The following FAM227A variants were observed in gnomAD, a reference collection of about 807,000 sequenced individuals.
FAM227A encodes the protein protein FAM227A.
A neutral mutation model predicts 74.7 loss-of-function variants in FAM227A; 80 were observed. The ratio of observed to expected loss-of-function variants is 1.07; its 90% confidence interval spans 0.89 to 1.29. FAM227A has a LOEUF of 1.29. FAM227A is among the 50% of genes most tolerant of loss of function. FAM227A has a pLI of 0.00. For synonymous variants in FAM227A, 237 were observed against 241.8 expected, an observed-to-expected ratio of 0.98 and a Z score of 0.19; for missense variants, 654 against 683.4, an observed-to-expected ratio of 0.96 and a Z score of 0.48.
intron 5 of FAM227A, among the ~76,000 whole-genome samples, chr22:38,638,170 G>GA (rs910302688): frequency 6.6e-6 from 1 of 151,858 alleles, no homozygotes; most frequent in Non-Finnish European, 1.5e-5. Context: ...ATCTCAAAAA[G>GA]AAAAAAAGAA....
rs56133133 is a variant in FAM227A at position 38,600,334 on chromosome 22, AATTTT to A, written c.1222-418_1222-414del. ...TATGTATGTATATATATATATATAT[AATTTT>A]ATTTTATTTTTGAGACTTGGGTCTC... On this transcript the variant is annotated intron_variant, in intron 13 of 16. Coordinates refer to ENST00000535113, the MANE Select transcript of FAM227A (RefSeq NM_001013647.2). 1.7e-3 allele frequency among the ~76,000 whole-genome samples: 262 copies of A among 149,976 alleles called. 3 individuals carry two copies. Among genetic ancestry groups the A allele is most frequent in the African/African-American group, 5.9e-3 (241 of 40,650 alleles).
intron 12 of FAM227A, among the ~76,000 whole-genome samples, chr22:38,606,434 G>A (rs1418731221): frequency 6.6e-6 from 1 of 152,170 alleles, no homozygotes; most frequent in Non-Finnish European, 1.5e-5. Flanking sequence ...CTCCCAAAGT[G>A]TTGGGATTAC....
chr22:38,634,095 T>G (rs963381084), intron 6 of FAM227A, among the ~76,000 whole-genome samples: 22 of 151,378 alleles, frequency 1.5e-4, no homozygotes, highest in Non-Finnish European at 2.7e-4. Flanking sequence ...TGGCTGCATA[T>G]CTGTAGTCCC....
At chr22:38,613,296 CAT>C (rs1166826052) in intron 11 of FAM227A, among the ~76,000 whole-genome samples, 6 of 56,936 alleles carry the variant, frequency 1.1e-4, no homozygotes, top group African/African-American at 3.6e-4. Flanking sequence ...TAATATATAT[CAT>C]ATATAATATA....
At chr22:38,628,048 C>A (rs1228712218) in intron 8 of FAM227A, among the ~76,000 whole-genome samples, 190 bp downstream of exon 8, 1 of 151,858 alleles carries the variant, frequency 6.6e-6, no homozygotes, top group South Asian at 2.1e-4. Context: ...TTAAATATAT[C>A]ATTGCATCTC....
intron 11 of FAM227A, 112 bp downstream of exon 11, chr22:38,620,100 A>T (rs548524643): frequency 2.8e-6 from 2 of 711,634 alleles, no homozygotes; most frequent in East Asian, 5.5e-5. Flanking sequence ...GACCTGGGCA[A>T]GGGGTACAGA....
intron 16 of FAM227A, among the ~76,000 whole-genome samples, chr22:38,587,914 G>T (rs907330563): frequency 2.0e-5 from 3 of 152,146 alleles, no homozygotes; most frequent in Admixed American, 6.5e-5. Flanking sequence ...AACATAAATC[G>T]ATCAGTGTAT....
chr22:38,613,105 T>TATATTATATATAATTA (rs2091459217), intron 11 of FAM227A, among the ~76,000 whole-genome samples: 1 of 94,060 alleles, frequency 1.1e-5, no homozygotes, highest in African/African-American at 4.8e-5. Context: ...TTATATATAA[T>TATATTATATATAATTA]TATATATATA....
chr22:38,638,169 A>C (rs999749004), intron 5 of FAM227A, among the ~76,000 whole-genome samples: 1 of 152,188 alleles, frequency 6.6e-6, no homozygotes, highest in African/African-American at 2.4e-5. Flanking sequence ...CATCTCAAAA[A>C]GAAAAAAAGA....
At chr22:38,648,009 T>C (rs1603081275) in intron 2 of FAM227A, among the ~76,000 whole-genome samples, 1 of 151,560 alleles carries the variant, frequency 6.6e-6, no homozygotes, top group East Asian at 1.9e-4. Flanking sequence ...GGGGGCAGAG[T>C]GGTACATGCA....
intron 11 of FAM227A, 34 bp downstream of exon 11, chr22:38,620,178 C>G: frequency 6.7e-7 from 1 of 1,497,732 alleles, no homozygotes; most frequent in East Asian, 2.5e-5. Context: ...TTATGGGACT[C>G]CAAAGGGGTC....
At chr22:38,636,868 TC>T (rs2092018775) in intron 5 of FAM227A, among the ~76,000 whole-genome samples, 1 of 151,452 alleles carries the variant, frequency 6.6e-6, no homozygotes, top group Non-Finnish European at 1.5e-5. Flanking sequence ...GCCTCCTGGT[TC>T]AAGCAATTCT....
intron 11 of FAM227A, among the ~76,000 whole-genome samples, chr22:38,610,649 C>A (rs2091393035): frequency 6.6e-6 from 1 of 152,184 alleles, no homozygotes; most frequent in African/African-American, 2.4e-5. Context: ...GTGGAGGTTG[C>A]AGTGAGCTGA....
chr22:38,617,648 T>C (rs1357182725), intron 11 of FAM227A, among the ~76,000 whole-genome samples: 3 of 152,130 alleles, frequency 2.0e-5, no homozygotes, highest in Admixed American at 6.5e-5. Context: ...TAAGGAAGCA[T>C]GTCATTAGAA....
intron 1 of FAM227A, 28 bp from the exon 2 acceptor site, chr22:38,650,290 G>T: frequency 1.0e-6 from 1 of 993,184 alleles, no homozygotes; most frequent in Non-Finnish European, 1.5e-6. Flanking sequence ...CATAGAGCCA[G>T]CTCAGAAAAC....
intron 9 of FAM227A, among the ~76,000 whole-genome samples, 192 bp downstream of exon 9, chr22:38,625,988 T>C (rs1358978336): frequency 6.7e-6 from 1 of 149,568 alleles, no homozygotes; most frequent in Non-Finnish European, 1.5e-5. Context: ...GTCTCAGAAC[T>C]GTTTTGAGGA....
intron 10 of FAM227A, among the ~76,000 whole-genome samples, chr22:38,622,525 T>G (rs2145562580): frequency 6.6e-6 from 1 of 152,284 alleles, no homozygotes; most frequent in Admixed American, 6.5e-5. Context: ...GAGCTTTAGT[T>G]TCCTCATCCG....
intron 5 of FAM227A, among the ~76,000 whole-genome samples, chr22:38,638,325 G>A (rs2092045981): frequency 1.3e-5 from 2 of 152,178 alleles, no homozygotes; most frequent in African/African-American, 4.8e-5. Flanking sequence ...GCATGACCCT[G>A]TGACAAGTCA....
chr22:38,629,126 G>A (rs2091867545), intron 6 of FAM227A, 191 bp from the exon 7 acceptor site: 1 of 481,936 alleles, frequency 2.1e-6, no homozygotes, highest in African/African-American at 2.0e-5. Flanking sequence ...TCATAGATGA[G>A]GAAACCGAGG....
Sources: gnomAD v4.1 joint callset for allele counts (sites outside exome capture counted in the v4.1 genomes callset) on GRCh38, gnomAD v4.1.1 for gene constraint, MANE v1.5 for transcripts, NCBI Gene and HGNC (gene_info 2026-07-23, HGNC 2026-07-21) for gene names.